TFIP11: variants seen among roughly 807,000 people sequenced by gnomAD.
TFIP11 encodes the protein tuftelin-interacting protein 11.
In TFIP11, 86 loss-of-function variants were observed where a neutral mutation model predicts 96.8. That is an observed-to-expected ratio of 0.89 (90% confidence interval 0.75 to 1.06). TFIP11 has a LOEUF of 1.06. Among genes scored for constraint, TFIP11 ranks in the 50% least tolerant of loss-of-function variants. The pLI is 0.00. For missense variants in TFIP11, 881 were observed against 1,076.7 expected (o/e 0.82, Z 2.54); for synonymous variants, 405 against 395.2 (o/e 1.02, Z -0.29).
chr22:26,494,068 T>C (rs770870253), intron 14 of TFIP11, 71 bp downstream of exon 14: 40 of 1,565,122 alleles, frequency 2.6e-5, no homozygotes, highest in Non-Finnish European at 3.3e-5. Flanking sequence ...AAAACTCTGA[T>C]TCTGTGTCAT....
intron 4 of TFIP11, 30 bp from the exon 5 acceptor site, chr22:26,506,958 G>C: frequency 1.2e-6 from 2 of 1,608,886 alleles, no homozygotes; most frequent in Non-Finnish European, 1.7e-6. Context: ...GCCCCACCAG[G>C]TCGGTAAAGA....
intron 14 of TFIP11, 46 bp from the exon 15 acceptor site, chr22:26,492,414 G>A: frequency 6.4e-7 from 1 of 1,572,298 alleles, no homozygotes; most frequent in South Asian, 1.1e-5. Context: ...GTTTCCAGGT[G>A]TATGGAAGTT....
At chr22:26,495,961 G>T in intron 12 of TFIP11, 112 bp downstream of exon 12, 1 of 1,443,074 alleles carries the variant, frequency 6.9e-7, no homozygotes. Context: ...GGAATATTGT[G>T]TACTAAGCAC....
intron 14 of TFIP11, chr22:26,492,661 A>G: frequency 2.7e-6 from 1 of 369,550 alleles, no homozygotes; most frequent in Non-Finnish European, 5.1e-6. Flanking sequence ...ATTAACAGAG[A>G]GTCCTCAGCC....
intron 8 of TFIP11, 97 bp downstream of exon 8, chr22:26,501,803 A>T: frequency 1.2e-6 from 1 of 841,268 alleles, no homozygotes; most frequent in Non-Finnish European, 1.7e-6. Context: ...AAAAAAAAAA[A>T]AAAAGCCTAG....
chr22:26,506,841 A>G lies in TFIP11; in HGVS notation c.297T>C (p.Asp99=). 6.2e-7 allele frequency: 1 copy of G among 1,614,220 alleles called. No homozygotes were observed. The highest frequency in any genetic ancestry group is 8.5e-7 in the Non-Finnish European group (1 of 1,180,038). Residue 99 remains aspartate (D), a synonymous_variant, in exon 5 of 15, where the codon GAT becomes GAC. Coordinates refer to ENST00000407690, the MANE Select transcript of TFIP11 (RefSeq NM_012143.4). ...CCTGCTTAACAGGTTTCTCTTCGTC[A>G]TCAGAATCTTCCAACTCTGCCTCCT... ...AAEEAELEDS[D]DEEKPVKQDD... is the part of the protein sequence containing the mutation.
intron 4 of TFIP11, among the ~76,000 whole-genome samples, chr22:26,507,916 GC>G (rs1455064534): frequency 1.3e-5 from 2 of 152,108 alleles, no homozygotes; most frequent in African/African-American, 4.8e-5. Flanking sequence ...GACCAGCTGG[GC>G]CAACATAGCA....
Position 26,502,791 on chromosome 22 carries a change from T to C in TFIP11, c.649-739A>G, listed in dbSNP as rs185485568. On this transcript the variant is annotated intron_variant, in intron 7 of 14. Coordinates refer to ENST00000407690, the MANE Select transcript of TFIP11 (RefSeq NM_012143.4). ...CTCATAAGCAACAATCACCTAGAGC[T>C]GAATAAAGATTTACCTTCTAGACAG... 7.3e-4 allele frequency among the ~76,000 whole-genome samples: 111 copies of C among 152,258 alleles called. 1 individual carries two copies. The highest frequency in any genetic ancestry group is 1.5e-4 in the Non-Finnish European group (10 of 68,024).
chr22:26,499,112 G>T lies in TFIP11; in HGVS notation c.1321C>A (p.Pro441Thr), dbSNP rs1922423352. ...LMKEYFKEWDPLKDCTYGTEI... is the reference protein window; with the variant it reads ...LMKEYFKEWDTLKDCTYGTEI... ...TTTTCCCAGCAACTCACTTTGAGGG[G>T]ATCCCACTCCTTGAAGTACTCCTTC... The change falls in exon 9 of 15, where the codon CCC (proline) becomes ACC (threonine). Residue 441 changes from proline (P) to threonine (T), a missense_variant. Transcript: ENST00000407690. The T allele has an allele frequency of 1.3e-6, 2 of 1,589,574 alleles. No homozygotes were observed. The highest frequency in any genetic ancestry group is 1.7e-4 in the Middle Eastern group (1 of 5,970).
chr22:26,491,303 G>T lies in TFIP11; in HGVS notation c.*710C>A. On this transcript the variant is annotated 3_prime_UTR_variant, in exon 15 of 15. Transcript: ENST00000407690. The stretch of plus-strand genomic sequence containing the variant: ...GTCCATGATATCCACTGTCCTTGGG[G>T]CGCCCAATTCATTGTGCAAAAGCAT... The T allele has an allele frequency of 2.7e-6, 2 of 732,956 alleles. No homozygotes were observed. The highest frequency in any genetic ancestry group is 4.5e-6 in the Non-Finnish European group (2 of 444,760). The allele number at this position is 732,956 out of a possible 1,614,324, so 45.4% of individuals were successfully genotyped here.
At chr22:26,498,679 GA>G (rs1279451378) in intron 10 of TFIP11, 189 bp downstream of exon 10, 1 of 557,328 alleles carries the variant, frequency 1.8e-6, no homozygotes, top group African/African-American at 1.9e-5. Context: ...AAACCCTATG[GA>G]AATAAAACAT....
rs1375249384 is a variant in TFIP11 at position 26,491,563 on chromosome 22, A to T, written c.*450T>A. ...CACTGGTTCCCTGTGCAAAAGCTAGAACAGCTCTCCATAGATATTTGGGAG... is the reference window on the plus strand; with the variant it reads ...CACTGGTTCCCTGTGCAAAAGCTAGTACAGCTCTCCATAGATATTTGGGAG... On this transcript the variant is annotated 3_prime_UTR_variant, in exon 15 of 15. Transcript: ENST00000407690. 2 of 1,614,210 alleles carry T rather than the reference A, an allele frequency of 1.2e-6. No individual in the cohort carries two copies. Among genetic ancestry groups the T allele is most frequent in the Non-Finnish European group, 1.7e-6 (2 of 1,180,014 alleles).
intron 12 of TFIP11, 66 bp from the exon 13 acceptor site, chr22:26,495,005 G>A: frequency 3.1e-6 from 5 of 1,597,394 alleles, no homozygotes; most frequent in Non-Finnish European, 4.3e-6. Flanking sequence ...AGCACAAAGA[G>A]CAAAGACAAT....
In TFIP11 at chr22:26,491,432, G is replaced by C; in HGVS notation, c.*581C>G. The C allele has an allele frequency of 6.4e-7, 1 of 1,550,744 alleles. No individual in the cohort carries two copies. Among genetic ancestry groups the C allele is most frequent in the Non-Finnish European group, 8.9e-7 (1 of 1,128,642 alleles). ...AGAGTGGGGATTACTGTGACTATCT[G>C]AAGTTTTTATACTTGAATTTTTCTG... On this transcript the variant is annotated 3_prime_UTR_variant, in exon 15 of 15. Transcript: ENST00000407690.
chr22:26,504,665 G>T (rs1164665683), intron 6 of TFIP11, among the ~76,000 whole-genome samples: 2 of 151,992 alleles, frequency 1.3e-5, no homozygotes, highest in Non-Finnish European at 2.9e-5. Context: ...GTGAGACTTT[G>T]TATCAAAAAA....
At position 26,496,251 on chromosome 22, in the gene TFIP11, G is replaced by T. The variant is rs367780258; in HGVS notation, c.1671C>A (p.Pro557=). The T allele has an allele frequency of 1.2e-5, 19 of 1,613,738 alleles. No homozygotes were observed. Among genetic ancestry groups the T allele is most frequent in the Non-Finnish European group, 1.6e-5 (19 of 1,179,906 alleles). ...GTGGCTCCAGCCGTGCCTGCATAAGGGGCAGCCATGGGTGGATCCAAGAGT... is the reference window on the plus strand; with the variant it reads ...GTGGCTCCAGCCGTGCCTGCATAAGTGGCAGCCATGGGTGGATCCAAGAGT... ...PIHSWIHPWL[P]LMQARLEPLY... The change falls in exon 12 of 15, where the codon CCC becomes CCA. Residue 557 remains proline (P), a synonymous_variant. Coordinates refer to ENST00000407690, the MANE Select transcript of TFIP11 (RefSeq NM_012143.4).
rs769247795 is a variant in TFIP11 at position 26,499,501 on chromosome 22, T to C, written c.932A>G (p.Lys311Arg). The change falls in exon 9 of 15, where the codon AAG (lysine) becomes AGG (arginine). Residue 311 changes from lysine to arginine, a missense_variant. Physicochemically the swap from Lys to Arg is conservative, Grantham distance 26. Transcript: ENST00000407690. ...QQLPQSGKEAKAPGFALPELE... is the reference protein window; with the variant it reads ...QQLPQSGKEARAPGFALPELE... ...CTCGGGCAGCGCGAAGCCGGGGGCC[T>C]TGGCCTCTTTGCCAGACTGTGGCAG... 3 of 1,614,194 alleles carry C rather than the reference T, an allele frequency of 1.9e-6. No homozygotes were observed. Among genetic ancestry groups the C allele is most frequent in the Non-Finnish European group, 2.5e-6 (3 of 1,180,048 alleles).
intron 13 of TFIP11, 153 bp from the exon 14 acceptor site, chr22:26,494,457 A>G (rs1921661047): frequency 1.1e-6 from 1 of 951,286 alleles, no homozygotes; most frequent in South Asian, 1.6e-5. Flanking sequence ...AGCACTTATG[A>G]ATATGGATTT....
intron 5 of TFIP11, 74 bp downstream of exon 5, chr22:26,506,700 CT>C: frequency 1.3e-6 from 2 of 1,569,232 alleles, no homozygotes. Flanking sequence ...GAGTTTCTCC[CT>C]GGCTAGAAAA....
Sources: allele counts gnomAD v4.1 joint callset (sites outside exome capture counted in the v4.1 genomes callset), GRCh38; gene constraint gnomAD v4.1.1; transcripts MANE v1.5; gene names NCBI Gene and HGNC (gene_info 2026-07-23, HGNC 2026-07-21).